Variants in DCLK1 observed in about 807,000 individuals in gnomAD.
The protein encoded by DCLK1 is serine/threonine-protein kinase DCLK1.
Under a neutral mutation model 86.2 loss-of-function variants are expected in DCLK1, and 16 were observed. The observed-to-expected ratio is 0.19, with a 90% CI of 0.13 to 0.28. DCLK1 has a LOEUF of 0.28. Ranked by LOEUF, DCLK1 falls within the 10% of genes least tolerant of loss-of-function variation. The pLI is 1.00. For missense variants in DCLK1, 590 were observed against 940.2 expected, an observed-to-expected ratio of 0.63 and a Z score of 4.87; for synonymous variants, 369 against 370.5, an observed-to-expected ratio of 1.00 and a Z score of 0.05.
chr13:35,997,600 A>T lies in DCLK1; in HGVS notation c.724-50143T>A, dbSNP rs535888607. On this transcript the variant is annotated intron_variant, in intron 3 of 16. Coordinates refer to ENST00000360631, the MANE Select transcript of DCLK1 (RefSeq NM_001330071.2). ...GGCCTGATTAGTTCAGTCCTAACCTAAAAATGACTGATTGCTAATGAAAAC... is the reference window on the plus strand; with the variant it reads ...GGCCTGATTAGTTCAGTCCTAACCTTAAAATGACTGATTGCTAATGAAAAC... Among the ~76,000 whole-genome samples the T allele has an allele frequency of 4.6e-5, 7 of 152,380 alleles. No individual in the cohort carries two copies. In the South Asian group the frequency reaches 1.4e-3, roughly 32 times the overall value.
chr13:35,876,499 C>A (rs1391584207), intron 4 of DCLK1, among the ~76,000 whole-genome samples: 1 of 152,118 alleles, frequency 6.6e-6, no homozygotes, highest in Non-Finnish European at 1.5e-5. Context: ...TTTAGATTTT[C>A]CATGTTTTAA....
At chr13:36,070,975 G>A (rs1834247414) in intron 3 of DCLK1, among the ~76,000 whole-genome samples, 1 of 152,066 alleles carries the variant, frequency 6.6e-6, no homozygotes, top group South Asian at 2.1e-4. Context: ...TAGGAGACAT[G>A]GTGTTCTGGA....
chr13:35,971,547 G>A (rs184330064), intron 3 of DCLK1, among the ~76,000 whole-genome samples: 1 of 152,166 alleles, frequency 6.6e-6, no homozygotes, highest in Admixed American at 6.5e-5. Context: ...TGGATCACCT[G>A]AGGTCGGGAG....
At chr13:36,040,352 AG>A (rs1214984326) in intron 3 of DCLK1, among the ~76,000 whole-genome samples, 23 of 133,598 alleles carry the variant, frequency 1.7e-4, no homozygotes, top group Non-Finnish European at 3.2e-5. Context: ...AGAGATTTGC[AG>A]GGTATTCCTC....
At chr13:35,837,128 G>A (rs1330873796) in intron 7 of DCLK1, among the ~76,000 whole-genome samples, 1 of 152,194 alleles carries the variant, frequency 6.6e-6, no homozygotes, top group Non-Finnish European at 1.5e-5. Context: ...TAAAACTTTA[G>A]GTGGTGAATG....
At chr13:36,032,392 C>T (rs1882318837) in intron 3 of DCLK1, among the ~76,000 whole-genome samples, 1 of 152,206 alleles carries the variant, frequency 6.6e-6, no homozygotes, top group Non-Finnish European at 1.5e-5. Context: ...GATTCACCCA[C>T]CTTGGCCTCC....
At chr13:36,105,870 A>G (rs548476195) in intron 3 of DCLK1, among the ~76,000 whole-genome samples, 9 of 152,208 alleles carry the variant, frequency 5.9e-5, no homozygotes, top group Admixed American at 3.9e-4. Context: ...AGTTCTTTCC[A>G]TCATCCCAAC....
At chr13:36,121,045 A>G (rs530575168) in intron 2 of DCLK1, among the ~76,000 whole-genome samples, 2 of 152,322 alleles carry the variant, frequency 1.3e-5, no homozygotes, top group African/African-American at 2.4e-5. Flanking sequence ...ACATGACTGG[A>G]AAACATCTAT....
intron 4 of DCLK1, among the ~76,000 whole-genome samples, chr13:35,917,813 G>A (rs889986192): frequency 1.3e-5 from 2 of 152,066 alleles, no homozygotes. Context: ...CCTGTGGCGG[G>A]GGGCAGGGCG....
intron 4 of DCLK1, among the ~76,000 whole-genome samples, chr13:35,915,297 A>C (rs1333481321): frequency 1.3e-5 from 2 of 152,208 alleles, no homozygotes; most frequent in Non-Finnish European, 2.9e-5. Flanking sequence ...TAAGTGTTGT[A>C]ACACGGAGGG....
At chr13:35,986,368 C>A (rs577061257) in intron 3 of DCLK1, among the ~76,000 whole-genome samples, 1 of 145,804 alleles carries the variant, frequency 6.9e-6, no homozygotes, top group Non-Finnish European at 1.5e-5. Context: ...ACAGAGGAGG[C>A]AGGGGAGAAC....
intron 6 of DCLK1, chr13:35,849,128 A>G (rs1870422482): frequency 1.0e-6 from 1 of 985,232 alleles, no homozygotes; most frequent in Non-Finnish European, 1.2e-6. Context: ...AAGTTTTCAA[A>G]TGCTGTTAGA....
chr13:36,024,558 A>G (rs1368621607), intron 3 of DCLK1, among the ~76,000 whole-genome samples: 1 of 152,236 alleles, frequency 6.6e-6, no homozygotes, highest in Non-Finnish European at 1.5e-5. Context: ...GAAAACTATA[A>G]AACATTGTTG....
In DCLK1 at chr13:36,102,259, A is replaced by T. The variant is rs1361671813; in HGVS notation, c.723+9610T>A. On this transcript the variant is annotated intron_variant, in intron 3 of 16. Transcript: ENST00000360631. ...CTTCCTGGAAGATTTTTTTTTTAAT[A>T]AAAAAAATCAATTTTATGTTACTAT... Among the ~76,000 whole-genome samples, 6 of 105,266 alleles carry T rather than the reference A, an allele frequency of 5.7e-5. 1 individual carries two copies. Among genetic ancestry groups the T allele is most frequent in the South Asian group, 5.8e-4 (2 of 3,446 alleles). The allele number at this position is 105,266 out of a possible 152,430, so 69.1% of individuals were successfully genotyped here. A position where few individuals can be genotyped will look rare whatever the true frequency, so the allele number is the denominator to read the frequency against.
At chr13:35,846,398 C>T (rs1483001212) in intron 6 of DCLK1, 24 of 985,136 alleles carry the variant, frequency 2.4e-5, no homozygotes, top group African/African-American at 5.2e-5. Context: ...TATCTACTAC[C>T]CTGGCTTCAA....
intron 3 of DCLK1, among the ~76,000 whole-genome samples, chr13:36,007,951 T>C (rs1881059654): frequency 6.6e-6 from 1 of 152,014 alleles, no homozygotes; most frequent in South Asian, 2.1e-4. Context: ...CCGTGAATCA[T>C]CCAGACTATA....
intron 3 of DCLK1, among the ~76,000 whole-genome samples, chr13:36,052,489 G>A (rs1243671228): frequency 6.6e-6 from 1 of 152,042 alleles, no homozygotes; most frequent in African/African-American, 2.4e-5. Context: ...ACCAACCTTA[G>A]GTTGATAATT....
rs1593684244 is a variant in DCLK1 at position 35,871,472 on chromosome 13, T to A, written c.824-132A>T. 3.9e-6 allele frequency: 3 copies of A among 768,034 alleles called. 1 individual carries two copies. The East Asian group carries it at 7.5e-5, about 19-fold the overall frequency. 47.6% of individuals were successfully genotyped at this position (768,034 alleles called of 1,614,324 possible). Reference sequence around the variant, plus strand: ...CACATCTACTTCCCACCAGCTGGGTTCTTGTCTATGTCAATGAAACCAAGA... The same window carrying A: ...CACATCTACTTCCCACCAGCTGGGTACTTGTCTATGTCAATGAAACCAAGA... On this transcript the variant is annotated intron_variant, in intron 4 of 16. Coordinates refer to ENST00000360631, the MANE Select transcript of DCLK1 (RefSeq NM_001330071.2).
At position 35,868,310 on chromosome 13, in the gene DCLK1, C is replaced by T. The variant is rs560109629; in HGVS notation, c.940+2914G>A. ...TGCTGGGATTACAGGCGTGAGCCAC[C>T]GCACCTGGCCCAACCTACAGCTCTT... is the stretch of plus-strand genomic sequence containing the variant. On this transcript the variant is annotated intron_variant, in intron 5 of 16. Coordinates refer to ENST00000360631, the MANE Select transcript of DCLK1 (RefSeq NM_001330071.2). 3.9e-5 allele frequency among the ~76,000 whole-genome samples: 6 copies of T among 151,910 alleles called. No homozygotes were observed. The East Asian group carries it at 7.8e-4, about 20-fold the overall frequency.
Sources: gnomAD v4.1 joint callset for allele counts (sites outside exome capture counted in the v4.1 genomes callset) on GRCh38, gnomAD v4.1.1 for gene constraint, MANE v1.5 for transcripts, NCBI Gene and HGNC (gene_info 2026-07-23, HGNC 2026-07-21) for gene names.